NEK11: variants seen among roughly 807,000 people sequenced by gnomAD.
NEK11 encodes the protein serine/threonine-protein kinase Nek11.
In NEK11, 72 loss-of-function variants were observed where a neutral mutation model predicts 80.7. The observed-to-expected ratio is 0.89, with a 90% confidence interval of 0.74 to 1.08. The LOEUF (loss-of-function observed/expected upper bound fraction) is 1.08. Ranked by LOEUF, NEK11 falls within the 50% of genes least tolerant of loss-of-function variation. NEK11 has a pLI of 0.00. For synonymous variants in NEK11, 251 were observed against 260.7 expected, an observed-to-expected ratio of 0.96 and a Z score of 0.36; for missense variants, 764 against 763.6, an observed-to-expected ratio of 1.00 and a Z score of -0.01.
intron 3 of NEK11, among the ~76,000 whole-genome samples, chr3:131,039,257 G>C (rs1313278682): frequency 6.6e-6 from 1 of 152,054 alleles, no homozygotes; most frequent in East Asian, 1.9e-4. Flanking sequence ...ATAGAGTCCA[G>C]AGGAACCTCA....
At chr3:131,181,175 C>G (rs1343015847) in intron 14 of NEK11, among the ~76,000 whole-genome samples, 12 of 152,158 alleles carry the variant, frequency 7.9e-5, no homozygotes, top group Admixed American at 7.9e-4. Flanking sequence ...TTTGGATGCT[C>G]TCAGTGCCAC....
intron 17 of NEK11, among the ~76,000 whole-genome samples, chr3:131,333,131 T>TTTA (rs1484794050): frequency 5.3e-5 from 8 of 151,994 alleles, no homozygotes; most frequent in Admixed American, 3.3e-4. Context: ...ACAAAGATAC[T>TTTA]CCTCAAGAAG....
At chr3:131,144,288 C>T (rs2087651255) in intron 7 of NEK11, among the ~76,000 whole-genome samples, 1 of 152,044 alleles carries the variant, frequency 6.6e-6, no homozygotes, top group Admixed American at 6.6e-5. Flanking sequence ...GATTTATTTG[C>T]TTATCTCTTC....
intron 3 of NEK11, among the ~76,000 whole-genome samples, chr3:131,058,121 C>CCCAGCA (rs1431373121): frequency 6.6e-6 from 1 of 152,098 alleles, no homozygotes; most frequent in Non-Finnish European, 1.5e-5. Flanking sequence ...AGCCAGTTTT[C>CCCAGCA]CCAGCACCAT....
rs1561086778 is a variant in NEK11, at chr3:131,228,600, AT to A, written c.1473del (p.Asp491GlufsTer7). 1.2e-6 allele frequency: 2 copies of A among 1,613,682 alleles called. No individual in the cohort carries two copies. The highest frequency in any genetic ancestry group is 1.7e-6 in the Non-Finnish European group (2 of 1,179,676). Reference protein sequence around the residue: ...DAFDSYCEESDEEEEEIALER... With the variant: ...DAFDSYCEESXEEEEEIALER... ...TTTGATTCCTATTGTGAAGAGAGTG[AT>A]GAGGAGGAAGAAGAAATAGCGTTAG... On this transcript the variant is annotated frameshift_variant, in exon 15 of 18. Transcript: ENST00000383366. LOFTEE classifies it high-confidence loss of function.
chr3:131,183,753 C>T (rs149476891), intron 14 of NEK11, among the ~76,000 whole-genome samples: 1,581 of 152,076 alleles, frequency 0.01, 23 homozygotes, highest in East Asian at 0.078. Context: ...CATACATGTG[C>T]ATGTATCTTT....
chr3:131,105,488 T>C lies in NEK11; in HGVS notation c.337-4315T>C, dbSNP rs149952038. Among the ~76,000 whole-genome samples, 614 of 152,288 alleles carry C rather than the reference T, an allele frequency of 4.0e-3. 2 individuals carry two copies. Among genetic ancestry groups the C allele is most frequent in the African/African-American group, 0.014 (590 of 41,556 alleles). ...CAATGAAGAAATAGCCAAGACTGGG[T>C]AATTTATAAAGGAAAGAGGTTTAAT... On this transcript the variant is annotated intron_variant, in intron 4 of 17. Coordinates refer to ENST00000383366, the MANE Select transcript of NEK11 (RefSeq NM_024800.5).
chr3:131,189,622 A>T (rs1332507725), intron 14 of NEK11, among the ~76,000 whole-genome samples: 1 of 152,144 alleles, frequency 6.6e-6, no homozygotes, highest in Non-Finnish European at 1.5e-5. Flanking sequence ...TTAAAACCAA[A>T]CCATTTCCTT....
intron 17 of NEK11, among the ~76,000 whole-genome samples, chr3:131,339,209 A>G (rs1199498337): frequency 6.6e-6 from 1 of 152,104 alleles, no homozygotes; most frequent in East Asian, 1.9e-4. Flanking sequence ...ATGACTCACA[A>G]AGTGTCTATT....
Position 131,162,437 on chromosome 3 carries a change from G to T in NEK11, c.992G>T (p.Arg331Met), listed in dbSNP as rs200485800. 1 of 1,614,040 alleles carries T rather than the reference G, an allele frequency of 6.2e-7. No homozygotes were observed. The highest frequency in any genetic ancestry group is 2.2e-5 in the East Asian group (1 of 44,880). ...MQKRIHLQTLRALSEVQKMTP... is the reference protein window; with the variant it reads ...MQKRIHLQTLMALSEVQKMTP... ...AAAAGGATCCACCTGCAGACTCTGAGGGCACTGTCAGAAGTACAGAAAATG... is the reference window on the plus strand; with the variant it reads ...AAAAGGATCCACCTGCAGACTCTGATGGCACTGTCAGAAGTACAGAAAATG... The change falls in exon 11 of 18, where the codon AGG becomes ATG. Residue 331 changes from arginine (R) to methionine (M), a missense_variant. By Grantham distance (91) the Arg-to-Met change is moderately conservative (BLOSUM62 -1). Transcript: ENST00000383366.
intron 17 of NEK11, among the ~76,000 whole-genome samples, chr3:131,313,111 A>G (rs1303908470): frequency 2.0e-5 from 3 of 152,128 alleles, no homozygotes; most frequent in Non-Finnish European, 4.4e-5. Flanking sequence ...TTCACTAAGG[A>G]TTATGGCCTC....
At chr3:131,210,904 T>G (rs539152142) in intron 14 of NEK11, among the ~76,000 whole-genome samples, 2 of 152,314 alleles carry the variant, frequency 1.3e-5, no homozygotes, top group South Asian at 4.2e-4. Context: ...TACAGCACAC[T>G]GATGGGTCTT....
chr3:131,277,456 G>A (rs1581281537), intron 17 of NEK11, among the ~76,000 whole-genome samples: 2 of 152,252 alleles, frequency 1.3e-5, no homozygotes, highest in South Asian at 2.1e-4. Context: ...TGTTACATAA[G>A]CAAAGGCAAG....
intron 17 of NEK11, among the ~76,000 whole-genome samples, chr3:131,317,977 C>T (rs1189392717): frequency 6.6e-6 from 1 of 152,148 alleles, no homozygotes; most frequent in African/African-American, 2.4e-5. Flanking sequence ...TCCATGTATT[C>T]CCAACAGTCT....
chr3:131,246,785 G>A (rs2095609410), intron 16 of NEK11, among the ~76,000 whole-genome samples: 1 of 151,900 alleles, frequency 6.6e-6, no homozygotes, highest in Admixed American at 6.6e-5. Flanking sequence ...ATTATTTTCT[G>A]ATTTTTAAAA....
intron 3 of NEK11, among the ~76,000 whole-genome samples, chr3:131,069,873 T>C (rs938267655): frequency 6.6e-6 from 1 of 151,304 alleles, no homozygotes; most frequent in Admixed American, 6.6e-5. Context: ...ATATACCTAA[T>C]GCTAGATGAC....
At chr3:131,112,630 G>A (rs2080323438) in intron 5 of NEK11, among the ~76,000 whole-genome samples, 1 of 152,202 alleles carries the variant, frequency 6.6e-6, no homozygotes, top group Admixed American at 6.5e-5. Context: ...TGTTACAGGA[G>A]ATCAGAAGAG....
chr3:131,349,551 T>G lies in NEK11; in HGVS notation c.1719-6T>G. On this transcript the variant is annotated splice_region_variant and splice_polypyrimidine_tract_variant and intron_variant, in intron 17 of 17. Transcript: ENST00000383366. ...TCTTTGTAATCTTTTGTAACTTTTTTGACAGATCAGCCATGCAGAAGCTGG... is the reference window on the plus strand; with the variant it reads ...TCTTTGTAATCTTTTGTAACTTTTTGGACAGATCAGCCATGCAGAAGCTGG... 6.2e-7 allele frequency: 1 copy of G among 1,610,546 alleles called. No individual in the cohort carries two copies. The highest frequency in any genetic ancestry group is 1.1e-5 in the South Asian group (1 of 90,694).
At chr3:131,204,214 C>G (rs1048704548) in intron 14 of NEK11, among the ~76,000 whole-genome samples, 2 of 152,110 alleles carry the variant, frequency 1.3e-5, no homozygotes, top group Non-Finnish European at 2.9e-5. Context: ...GTGGCACACC[C>G]AGGAAGGGCA....
Sources: gnomAD v4.1 joint callset for allele counts (sites outside exome capture counted in the v4.1 genomes callset) on GRCh38, gnomAD v4.1.1 for gene constraint, MANE v1.5 for transcripts, NCBI Gene and HGNC (gene_info 2026-07-23, HGNC 2026-07-21) for gene names.